Variants in AGBL1 observed in about 807,000 individuals in gnomAD.
AGBL1 encodes the protein cytosolic carboxypeptidase 4.
Under a neutral mutation model 118.9 loss-of-function variants are expected in AGBL1, and 130 were observed. The ratio of observed to expected loss-of-function variants is 1.09; its 90% confidence interval spans 0.95 to 1.26. AGBL1 has a LOEUF of 1.26. Among genes scored for constraint, AGBL1 ranks in the 50% most tolerant of loss-of-function variants. The pLI, the probability that AGBL1 is intolerant of heterozygous loss-of-function variation, is 0.00. For missense variants in AGBL1, 1,584 were observed against 1,298.1 expected (o/e 1.22, Z -3.38); for synonymous variants, 555 against 478.9 (o/e 1.16, Z -2.08).
At chr15:86,154,983 A>G (rs1427624918) in intron 4 of AGBL1, among the ~76,000 whole-genome samples, 2 of 152,072 alleles carry the variant, frequency 1.3e-5, no homozygotes, top group East Asian at 1.9e-4. Flanking sequence ...GAAATTACTC[A>G]TTGATTACAA....
intron 16 of AGBL1, among the ~76,000 whole-genome samples, chr15:86,282,284 GGAAA>G (rs2079367271): frequency 6.6e-6 from 1 of 152,092 alleles, no homozygotes; most frequent in South Asian, 2.1e-4. Context: ...TCACTGAGAG[GGAAA>G]GAGAGGCCTT....
rs11852369 is a variant in AGBL1, at chr15:86,204,087, G to T, written c.489-20827G>T. On this transcript the variant is annotated intron_variant, in intron 5 of 22. Coordinates refer to ENST00000614907, the MANE Select transcript of AGBL1 (RefSeq NM_001386094.1). ...GGGACAATAGCCAAGATCTTTATAG[G>T]GAGGCTGAAAAAAGCAGGTGGACTG... 4.8e-3 allele frequency among the ~76,000 whole-genome samples: 736 copies of T among 152,210 alleles called. 8 individuals are homozygous for T. Among genetic ancestry groups the T allele is most frequent in the African/African-American group, 0.017 (703 of 41,532 alleles).
chr15:86,845,944 G>C lies in AGBL1; in HGVS notation c.3159-61143G>C, dbSNP rs181824832. ...GACACAGACCCAGTGAAGCATAAAAGCCAACTTACCTTCTTCCCTCTTGAA... is the reference window on the plus strand; with the variant it reads ...GACACAGACCCAGTGAAGCATAAAACCCAACTTACCTTCTTCCCTCTTGAA... On this transcript the variant is annotated intron_variant, in intron 22 of 22. Coordinates refer to ENST00000614907, the MANE Select transcript of AGBL1 (RefSeq NM_001386094.1). Among the ~76,000 whole-genome samples the C allele has an allele frequency of 3.1e-3, 474 of 152,196 alleles. 3 individuals are homozygous for C. Among genetic ancestry groups the C allele is most frequent in the Non-Finnish European group, 5.1e-3 (348 of 68,018 alleles).
intron 22 of AGBL1, among the ~76,000 whole-genome samples, chr15:86,729,729 T>A (rs1430567441): frequency 1.3e-5 from 2 of 152,224 alleles, no homozygotes; most frequent in East Asian, 3.8e-4. Context: ...AGTGCTGCAA[T>A]GAACATATGA....
chr15:86,801,630 C>G (rs2078651631), intron 22 of AGBL1, among the ~76,000 whole-genome samples: 1 of 152,098 alleles, frequency 6.6e-6, no homozygotes, highest in Non-Finnish European at 1.5e-5. Flanking sequence ...TATAACTTAT[C>G]TATCTAGATC....
chr15:86,463,450 C>G (rs1377522405), intron 18 of AGBL1, among the ~76,000 whole-genome samples: 2 of 152,144 alleles, frequency 1.3e-5, no homozygotes, highest in African/African-American at 4.8e-5. Context: ...TTAATCATAT[C>G]TCATTTGTCA....
chr15:87,010,267 G>A (rs1045717336), intron 24 of AGBL1, among the ~76,000 whole-genome samples: 6 of 152,186 alleles, frequency 3.9e-5, no homozygotes, highest in Admixed American at 3.9e-4. Flanking sequence ...GAGTTTCCCT[G>A]CACAAACTCT....
chr15:86,751,032 G>T (rs929558274), intron 22 of AGBL1, among the ~76,000 whole-genome samples: 20 of 152,034 alleles, frequency 1.3e-4, no homozygotes, highest in African/African-American at 4.8e-4. Context: ...TTTAAATACA[G>T]TCTATTGTCA....
chr15:86,904,824 T>G lies in AGBL1; in HGVS notation c.3159-2263T>G, dbSNP rs2080260456. The stretch of plus-strand genomic sequence containing the variant: ...CACAAAAGATGATTCAAATATGGTT[T>G]TTTCTATATATACCCCTGTTATATG... On this transcript the variant is annotated intron_variant, in intron 22 of 22. Transcript: ENST00000614907. Among the ~76,000 whole-genome samples the G allele has an allele frequency of 2.6e-5, 4 of 151,856 alleles. No homozygotes were observed. In the East Asian group the frequency reaches 7.7e-4, roughly 29 times the overall value.
chr15:86,243,435 T>C (rs1352839739), intron 6 of AGBL1, among the ~76,000 whole-genome samples: 2 of 152,092 alleles, frequency 1.3e-5, no homozygotes, highest in African/African-American at 4.8e-5. Flanking sequence ...CCTTGGAGGA[T>C]AGAACCTGGA....
chr15:86,858,805 A>G (rs2079521353), intron 22 of AGBL1, among the ~76,000 whole-genome samples: 1 of 152,128 alleles, frequency 6.6e-6, no homozygotes, highest in Admixed American at 6.5e-5. Flanking sequence ...ATGTGAATTA[A>G]GGTGGTCTAG....
At chr15:86,186,448 C>T (rs1388149843) in intron 5 of AGBL1, among the ~76,000 whole-genome samples, 7 of 152,182 alleles carry the variant, frequency 4.6e-5, no homozygotes, top group East Asian at 1.9e-4. Flanking sequence ...GATCAGTAAA[C>T]GTGAACAATG....
chr15:86,561,544 T>A (rs1197063346), intron 21 of AGBL1, among the ~76,000 whole-genome samples: 2 of 152,188 alleles, frequency 1.3e-5, no homozygotes, highest in Non-Finnish European at 2.9e-5. Flanking sequence ...CCATGCTGTT[T>A]TTGTTACTGT....
At chr15:86,280,070 T>A (rs1482169644) in intron 16 of AGBL1, among the ~76,000 whole-genome samples, 4 of 152,192 alleles carry the variant, frequency 2.6e-5, no homozygotes, top group Non-Finnish European at 5.9e-5. Flanking sequence ...CTTAAGAGAC[T>A]CTGTCTTTAA....
chr15:86,674,279 C>T lies in AGBL1; in HGVS notation c.3001C>T (p.Gln1001Ter), dbSNP rs1465455900. The stretch of plus-strand genomic sequence containing the variant: ...TGCTTTGTTTAACTGGCAGGGTCTA[C>T]AGTTTGGTACCAGAGAACTGGAGGA... ...GCNQGPYQGL[Q>*]FGTRELEEMG... Residue 1001 changes from glutamine to a stop codon, truncating the protein, a stop_gained, in exon 22 of 23, where the codon CAG becomes TAG. Coordinates refer to ENST00000614907, the MANE Select transcript of AGBL1 (RefSeq NM_001386094.1). LOFTEE classifies it high-confidence loss of function. 6.2e-7 allele frequency: 1 copy of T among 1,609,996 alleles called. No individual in the cohort carries two copies. The highest frequency in any genetic ancestry group is 8.5e-7 in the Non-Finnish European group (1 of 1,177,780).
At chr15:86,877,380 G>C (rs1037456404) in intron 22 of AGBL1, among the ~76,000 whole-genome samples, 3 of 152,124 alleles carry the variant, frequency 2.0e-5, no homozygotes, top group Admixed American at 6.5e-5. Flanking sequence ...GTCTTGGCCG[G>C]CATGCTCTTC....
At chr15:86,863,511 C>T (rs2079586609) in intron 22 of AGBL1, among the ~76,000 whole-genome samples, 1 of 151,470 alleles carries the variant, frequency 6.6e-6, no homozygotes, top group African/African-American at 2.4e-5. Flanking sequence ...CCACCAGTGC[C>T]TGTTACTGGG....
chr15:86,323,090 T>G (rs2141846916), intron 17 of AGBL1, among the ~76,000 whole-genome samples: 1 of 152,262 alleles, frequency 6.6e-6, no homozygotes, highest in Non-Finnish European at 1.5e-5. Context: ...CAATAGTCAC[T>G]TATTCCCCAA....
At chr15:86,895,235 T>C (rs2080108654) in intron 22 of AGBL1, among the ~76,000 whole-genome samples, 1 of 152,016 alleles carries the variant, frequency 6.6e-6, no homozygotes, top group South Asian at 2.1e-4. Context: ...TTATATTCTT[T>C]TTTTCTCATT....
Sources: allele counts gnomAD v4.1 joint callset (sites outside exome capture counted in the v4.1 genomes callset), GRCh38; gene constraint gnomAD v4.1.1; transcripts MANE v1.5; gene names NCBI Gene and HGNC (gene_info 2026-07-23, HGNC 2026-07-21).